Variants in CDH26 observed in about 807,000 individuals in gnomAD.
CDH26 encodes the protein cadherin 26, also known as cadherin-like protein 26.
A neutral mutation model predicts 90.3 loss-of-function variants in CDH26; 83 were observed. The observed-to-expected ratio is 0.92, with a 90% CI of 0.77 to 1.10. The LOEUF is 1.10. Ranked by LOEUF, CDH26 falls within the 50% of genes least tolerant of loss-of-function variation. The probability of loss-of-function intolerance (pLI) is 0.00; values close to 1 mark genes in which losing one functional copy is unlikely to be tolerated. For synonymous variants in CDH26, 397 were observed against 396.3 expected, an observed-to-expected ratio of 1.00 and a Z score of -0.02; for missense variants, 1,013 against 1,037.6, an observed-to-expected ratio of 0.98 and a Z score of 0.33.
chr20:59,994,956 C>T (rs1390712876), intron 11 of CDH26, among the ~76,000 whole-genome samples: 1 of 152,142 alleles, frequency 6.6e-6, no homozygotes, highest in Non-Finnish European at 1.5e-5. Flanking sequence ...GTGGGCTTCC[C>T]TAAGGAAACA....
chr20:60,029,794 A>G (rs140156794), intron 7 of CDH26, among the ~76,000 whole-genome samples: 477 of 152,202 alleles, frequency 3.1e-3, no homozygotes, highest in African/African-American at 0.011. Context: ...CTTCATCCAC[A>G]TCCCCGCAAA....
chr20:60,012,574 T>TA lies in CDH26; in HGVS notation c.2343_2344insA (p.His782ThrfsTer28). ...TGGAAGATGACCCCGGCTACCTACC[T>TA]CACGTCTACAGCGAGGAAGGGGAGT... On this transcript the variant is annotated frameshift_variant, in exon 18 of 18. Coordinates refer to ENST00000348616, the MANE Select transcript of CDH26 (RefSeq NM_177980.4). LOFTEE classifies it low-confidence loss of function (END_TRUNC). 1 of 1,613,944 alleles carries TA rather than the reference T, an allele frequency of 6.2e-7. No individual in the cohort carries two copies. The highest frequency in any genetic ancestry group is 8.5e-7 in the Non-Finnish European group (1 of 1,179,962).
At chr20:59,977,260 G>T (rs537545526) in intron 4 of CDH26, among the ~76,000 whole-genome samples, 1 of 152,064 alleles carries the variant, frequency 6.6e-6, no homozygotes, top group African/African-American at 2.4e-5. Flanking sequence ...TGTACCTGGC[G>T]ACCAGTTGAC....
intron 9 of CDH26, among the ~76,000 whole-genome samples, chr20:59,991,075 G>A (rs1471653284): frequency 6.6e-6 from 1 of 152,164 alleles, no homozygotes; most frequent in East Asian, 1.9e-4. Flanking sequence ...TTGCCATGTT[G>A]GCCAGGCTGG....
At chr20:59,985,579 A>G (rs2061447314) in intron 7 of CDH26, among the ~76,000 whole-genome samples, 1 of 152,160 alleles carries the variant, frequency 6.6e-6, no homozygotes, top group African/African-American at 2.4e-5. Context: ...CCCACGATCC[A>G]AACACTTCCC....
chr20:59,987,416 G>C, intron 7 of CDH26, 37 bp from the exon 8 acceptor site: 1 of 1,549,290 alleles, frequency 6.5e-7, no homozygotes, highest in Non-Finnish European at 8.8e-7. Flanking sequence ...TTGTGTTTTT[G>C]TTTCCATGAC....
At position 59,996,631 on chromosome 20, in the gene CDH26, T is replaced by C. The variant is rs1212430551; in HGVS notation, c.1889T>C (p.Val630Ala). The change falls in exon 13 of 18, where the codon GTG becomes GCG. Residue 630 changes from valine (V) to alanine (A), a missense_variant and splice_region_variant. Transcript: ENST00000348616. The part of the protein sequence containing the change: ...PVCAAFVALA[V>A]ALLFLLRCYF... ...GTTTTTCCCCTTTGTCTTATAACAGTGGCTCTGCTTTTTCTGTTGCGATGC... is the reference window on the plus strand; with the variant it reads ...GTTTTTCCCCTTTGTCTTATAACAGCGGCTCTGCTTTTTCTGTTGCGATGC... 12 of 1,614,108 alleles carry C rather than the reference T, an allele frequency of 7.4e-6. No individual in the cohort carries two copies. The highest frequency in any genetic ancestry group is 1.0e-5 in the Non-Finnish European group (12 of 1,180,048).
chr20:60,000,941 A>G (rs1323110991), intron 14 of CDH26, among the ~76,000 whole-genome samples: 6 of 152,212 alleles, frequency 3.9e-5, no homozygotes, highest in Non-Finnish European at 8.8e-5. Flanking sequence ...TAACTTCATT[A>G]TTGAAGCGTC....
chr20:59,997,423 G>A (rs145931540), intron 13 of CDH26, among the ~76,000 whole-genome samples: 44 of 152,270 alleles, frequency 2.9e-4, no homozygotes, highest in African/African-American at 1.1e-3. Context: ...GGATGATAAA[G>A]TCAAATTCTT....
At chr20:60,001,444 C>T in intron 15 of CDH26, 33 bp downstream of exon 15, 1 of 1,611,460 alleles carries the variant, frequency 6.2e-7, no homozygotes, top group Non-Finnish European at 8.5e-7. Flanking sequence ...CTGCTACGGC[C>T]ATCTCACTAG....
intron 2 of CDH26, among the ~76,000 whole-genome samples, chr20:59,969,661 A>G (rs78048451): frequency 0.018 from 2,703 of 152,324 alleles, 91 homozygotes; most frequent in African/African-American, 0.059. Context: ...GTTAAAAGGG[A>G]TAGTCATAGA....
At position 59,994,383 on chromosome 20, in the gene CDH26, C is replaced by T. The variant is rs1157626545; in HGVS notation, c.1560C>T (p.Ile520=). The T allele has an allele frequency of 6.8e-6, 11 of 1,614,112 alleles. No individual in the cohort carries two copies. Among genetic ancestry groups the T allele is most frequent in the South Asian group, 5.5e-5 (5 of 91,072 alleles). The stretch of plus-strand genomic sequence containing the variant: ...CTGCTGTGCATGAGCCCCTCCACAT[C>T]GAGGCAGAGGATCCGGACCTGGAGC... ...CESAVHEPLH[I]EAEDPDLEPF... The change falls in exon 11 of 18, where the codon ATC becomes ATT. Residue 520 remains isoleucine (I), a synonymous_variant. Transcript: ENST00000348616.
At chr20:60,001,505 A>G in intron 15 of CDH26, 94 bp downstream of exon 15, 1 of 1,518,222 alleles carries the variant, frequency 6.6e-7, no homozygotes, top group Non-Finnish European at 8.8e-7. Context: ...AGATTCGGTG[A>G]TACTGTCAGA....
At chr20:60,001,667 C>T in intron 15 of CDH26, 2 of 934,942 alleles carry the variant, frequency 2.1e-6, no homozygotes, top group Non-Finnish European at 2.6e-6. Context: ...TTTAGAGCAT[C>T]CACAAATAGA....
At chr20:60,033,412 T>G in intron 8 of CDH26, 1 of 1,258,264 alleles carries the variant, frequency 7.9e-7, no homozygotes, top group Non-Finnish European at 1.0e-6. Flanking sequence ...AAATGCTTAG[T>G]GAATGCTAAG....
At chr20:59,971,904 A>G in intron 3 of CDH26, 58 bp from the exon 4 acceptor site, 2 of 1,401,618 alleles carry the variant, frequency 1.4e-6, no homozygotes, top group Non-Finnish European at 2.0e-6. Context: ...ATACTTGATT[A>G]TCATAGTGGC....
intron 4 of CDH26, among the ~76,000 whole-genome samples, chr20:59,974,203 A>G (rs189533976): frequency 6.6e-6 from 1 of 152,230 alleles, no homozygotes; most frequent in African/African-American, 2.4e-5. Flanking sequence ...TCTTTTGAAA[A>G]GTGTCTGTTT....
At position 59,967,932 on chromosome 20, in the gene CDH26, TC is replaced by T. The variant is rs569698623; in HGVS notation, c.70-1032del. ...TCCTTTCCTTTCCTTTCCTTTCCTT[TC>T]CCTTTCTTTCTTTCTTTCTTTCTAT... On this transcript the variant is annotated intron_variant, in intron 1 of 17. Transcript: ENST00000348616. 2.6e-3 allele frequency among the ~76,000 whole-genome samples: 326 copies of T among 126,182 alleles called. 6 individuals carry two copies. The highest frequency in any genetic ancestry group is 8.1e-3 in the African/African-American group (220 of 27,280). The allele number at this position is 126,182 out of a possible 152,430, so 82.8% of individuals were successfully genotyped here. A position where few individuals can be genotyped will look rare whatever the true frequency, so the allele number is the denominator to read the frequency against.
Position 59,984,701 on chromosome 20 carries a change from G to T in CDH26, c.604G>T (p.Val202Phe). The T allele has an allele frequency of 6.2e-7, 1 of 1,613,918 alleles. No homozygotes were observed. Among genetic ancestry groups the T allele is most frequent in the Non-Finnish European group, 8.5e-7 (1 of 1,179,886 alleles). The change falls in exon 6 of 18, where the codon GTC becomes TTC. Residue 202 changes from valine to phenylalanine, a missense_variant. Physicochemically the swap from Val to Phe is conservative, Grantham distance 50. Transcript: ENST00000348616. ...LDEENTPNSQVLYFLISQTPL... is the reference protein window; with the variant it reads ...LDEENTPNSQFLYFLISQTPL... ...TGAAGAAAACACTCCAAATTCTCAA[G>T]TCCTTTACTTCCTCATTTCTCAAAC...
Sources: allele counts gnomAD v4.1 joint callset (sites outside exome capture counted in the v4.1 genomes callset), GRCh38; gene constraint gnomAD v4.1.1; transcripts MANE v1.5; gene names NCBI Gene and HGNC (gene_info 2026-07-23, HGNC 2026-07-21).